Variants in HS6ST3 observed in about 807,000 individuals in gnomAD.
HS6ST3 encodes the protein heparan-sulfate 6-O-sulfotransferase 3.
HS6ST3 carries 12 observed loss-of-function variants against 36.7 expected under a neutral mutation model. The observed-to-expected ratio is 0.33, with a 90% CI of 0.21 to 0.53. The LOEUF (loss-of-function observed/expected upper bound fraction) is 0.53. Ranked by LOEUF, HS6ST3 falls within the 20% of genes least tolerant of loss-of-function variation. The pLI, the probability that HS6ST3 is intolerant of heterozygous loss-of-function variation, is 0.95. For synonymous variants in HS6ST3, 240 were observed against 257.5 expected (o/e 0.93, Z 0.65); for missense variants, 584 against 640.9 (o/e 0.91, Z 0.96).
chr13:96,313,543 G>A (rs2054952355), intron 1 of HS6ST3, among the ~76,000 whole-genome samples: 1 of 152,006 alleles, frequency 6.6e-6, no homozygotes, highest in African/African-American at 2.4e-5. Flanking sequence ...AGGTCATGCA[G>A]TTCTTTTCCA....
chr13:96,676,051 G>T (rs780018370), intron 1 of HS6ST3, among the ~76,000 whole-genome samples: 51 of 152,108 alleles, frequency 3.4e-4, no homozygotes, highest in Non-Finnish European at 6.3e-4. Flanking sequence ...CCCGTGCACA[G>T]GCAGCCCAGA....
intron 1 of HS6ST3, among the ~76,000 whole-genome samples, chr13:96,646,673 C>T (rs1029862873): frequency 6.6e-6 from 1 of 151,808 alleles, no homozygotes; most frequent in Non-Finnish European, 1.5e-5. Flanking sequence ...CTTTCTCATC[C>T]CTTTATGCCG....
chr13:96,491,852 C>T (rs1204616168), intron 1 of HS6ST3, among the ~76,000 whole-genome samples: 1 of 152,052 alleles, frequency 6.6e-6, no homozygotes, highest in East Asian at 1.9e-4. Context: ...AGATGTGCCT[C>T]GAAGATCTCC....
chr13:96,234,471 G>A (rs1389611284), intron 1 of HS6ST3, among the ~76,000 whole-genome samples: 1 of 152,056 alleles, frequency 6.6e-6, no homozygotes, highest in East Asian at 1.9e-4. Flanking sequence ...CCCAAGACTG[G>A]GTAATTTATA....
chr13:96,194,021 A>G (rs746795140), intron 1 of HS6ST3, among the ~76,000 whole-genome samples: 3 of 152,176 alleles, frequency 2.0e-5, no homozygotes, highest in Non-Finnish European at 4.4e-5. Flanking sequence ...GGACGTTTAC[A>G]ATGGGCTAAG....
intron 1 of HS6ST3, among the ~76,000 whole-genome samples, chr13:96,705,992 T>C (rs1875413110): frequency 6.6e-6 from 1 of 152,168 alleles, no homozygotes; most frequent in Non-Finnish European, 1.5e-5. Flanking sequence ...CCACTTTTAG[T>C]AGAGGATTTT....
intron 1 of HS6ST3, among the ~76,000 whole-genome samples, chr13:96,579,880 A>G (rs1192816313): frequency 4.6e-5 from 7 of 152,152 alleles, no homozygotes; most frequent in Admixed American, 3.3e-4. Flanking sequence ...GTATGATTCT[A>G]TGCAAATGAT....
rs1005308313 is a variant in HS6ST3 at position 96,557,855 on chromosome 13, C to A, written c.708-274635C>A. The stretch of plus-strand genomic sequence containing the variant: ...TGGAAGTCAGACAGTTAAGTTTTCT[C>A]ATTTTTGTCACTGACTGGCTGTGTG... On this transcript the variant is annotated intron_variant, in intron 1 of 1. Coordinates refer to ENST00000376705, the MANE Select transcript of HS6ST3 (RefSeq NM_153456.4). 1.8e-4 allele frequency among the ~76,000 whole-genome samples: 28 copies of A among 152,158 alleles called. 1 individual carries two copies. The highest frequency in any genetic ancestry group is 2.9e-5 in the Non-Finnish European group (2 of 68,028).
chr13:96,766,667 A>G (rs1877124801), intron 1 of HS6ST3, among the ~76,000 whole-genome samples: 1 of 152,190 alleles, frequency 6.6e-6, no homozygotes, highest in South Asian at 2.1e-4. Flanking sequence ...TCACAGAGAA[A>G]TATTTCTGAG....
At chr13:96,204,812 A>T (rs2054361418) in intron 1 of HS6ST3, among the ~76,000 whole-genome samples, 1 of 152,218 alleles carries the variant, frequency 6.6e-6, no homozygotes, top group South Asian at 2.1e-4. Flanking sequence ...CAGAGACAAC[A>T]TACCAGAATC....
rs116058190 is a variant in HS6ST3, at chr13:96,499,896, C to T, written c.708-332594C>T. 7.5e-3 allele frequency among the ~76,000 whole-genome samples: 1,138 copies of T among 152,214 alleles called. 15 individuals are homozygous for T. The highest frequency in any genetic ancestry group is 0.026 in the African/African-American group (1,097 of 41,524). ...TGAGCAGAAAAGCAGCATGATCTGA[C>T]GTCAGTGTTTTGTTTTTTGAAATTA... On this transcript the variant is annotated intron_variant, in intron 1 of 1. Coordinates refer to ENST00000376705, the MANE Select transcript of HS6ST3 (RefSeq NM_153456.4).
At chr13:96,585,480 A>G (rs925781809) in intron 1 of HS6ST3, among the ~76,000 whole-genome samples, 1 of 152,094 alleles carries the variant, frequency 6.6e-6, no homozygotes, top group Non-Finnish European at 1.5e-5. Context: ...GTTTATATCC[A>G]CTCTTCTAGT....
At position 96,571,712 on chromosome 13, in the gene HS6ST3, C is replaced by T. The variant is rs569074447; in HGVS notation, c.708-260778C>T. Among the ~76,000 whole-genome samples the T allele has an allele frequency of 1.1e-4, 17 of 152,224 alleles. No individual in the cohort carries two copies. In the East Asian group the frequency reaches 2.9e-3, roughly 26 times the overall value. On this transcript the variant is annotated intron_variant, in intron 1 of 1. Transcript: ENST00000376705. ...TGTAGAGAAGGTGCTATCATTTTTC[C>T]TTGACATTATAATGGTTTAGGGATA...
At chr13:96,628,911 T>G (rs1282237190) in intron 1 of HS6ST3, among the ~76,000 whole-genome samples, 1 of 151,948 alleles carries the variant, frequency 6.6e-6, no homozygotes, top group Non-Finnish European at 1.5e-5. Flanking sequence ...TCCGTATATG[T>G]GTGTGTATGT....
intron 1 of HS6ST3, among the ~76,000 whole-genome samples, chr13:96,651,821 C>A (rs555580092): frequency 4.6e-5 from 7 of 152,032 alleles, no homozygotes; most frequent in Non-Finnish European, 1.0e-4. Context: ...CTAACCTTGG[C>A]TCTTTATCCT....
intron 1 of HS6ST3, among the ~76,000 whole-genome samples, chr13:96,352,191 A>G (rs1201572955): frequency 6.6e-6 from 1 of 152,242 alleles, no homozygotes; most frequent in Non-Finnish European, 1.5e-5. Context: ...TGTATAACAA[A>G]TTAACCCAAA....
chr13:96,357,782 A>C (rs2055217288), intron 1 of HS6ST3, among the ~76,000 whole-genome samples: 1 of 152,114 alleles, frequency 6.6e-6, no homozygotes, highest in Non-Finnish European at 1.5e-5. Context: ...TTGGCCTCTT[A>C]AAGTGTTGGG....
At chr13:96,817,054 A>G (rs964635360) in intron 1 of HS6ST3, among the ~76,000 whole-genome samples, 1 of 152,156 alleles carries the variant, frequency 6.6e-6, no homozygotes. Flanking sequence ...AAACACCATC[A>G]GCACCATCAG....
chr13:96,828,759 G>A (rs1878704726), intron 1 of HS6ST3, among the ~76,000 whole-genome samples: 1 of 152,218 alleles, frequency 6.6e-6, no homozygotes, highest in Non-Finnish European at 1.5e-5. Context: ...TATAGGTAAA[G>A]CATTTGACAT....
Sources: gnomAD v4.1 joint callset for allele counts (sites outside exome capture counted in the v4.1 genomes callset) on GRCh38, gnomAD v4.1.1 for gene constraint, MANE v1.5 for transcripts, NCBI Gene and HGNC (gene_info 2026-07-23, HGNC 2026-07-21) for gene names.